The following LRRC37A2 variants were observed in gnomAD, a reference collection of about 807,000 sequenced individuals.
The protein encoded by LRRC37A2 is leucine-rich repeat-containing protein 37A2.
In LRRC37A2, 9 loss-of-function variants were observed where a neutral mutation model predicts 68.8. The observed-to-expected ratio is 0.13, with a 90% CI of 0.08 to 0.23. The LOEUF (loss-of-function observed/expected upper bound fraction) is 0.23, where lower values mean the gene tolerates loss of function less well. Ranked by LOEUF, LRRC37A2 falls within the 10% of genes least tolerant of loss-of-function variation. The probability of loss-of-function intolerance (pLI) is 1.00; values close to 1 mark genes in which losing one functional copy is unlikely to be tolerated. For synonymous variants in LRRC37A2, 63 were observed against 367.6 expected (o/e 0.17, Z 9.48); for missense variants, 168 against 950.4 (o/e 0.18, Z 10.82).
the LRRC37A2 span, among the ~76,000 whole-genome samples, chr17:46,806,020 T>C: frequency 6.6e-6 from 1 of 152,102 alleles, no homozygotes; most frequent in Non-Finnish European, 1.5e-5. Flanking sequence ...CTCTGCCTCC[T>C]GGGGTTGTCG....
chr17:46,907,868 T>C, the LRRC37A2 span, among the ~76,000 whole-genome samples: 1 of 148,600 alleles, frequency 6.7e-6, no homozygotes, highest in African/African-American at 2.5e-5. Flanking sequence ...AAAAAAAAAG[T>C]GTGTGCGCTA....
the LRRC37A2 span, among the ~76,000 whole-genome samples, chr17:46,694,984 T>C: frequency 8.6e-6 from 1 of 116,040 alleles, no homozygotes; most frequent in Non-Finnish European, 1.8e-5. Context: ...TGGTGGCTCA[T>C]GCCTGTAATC....
At chr17:46,708,271 CG>C in the LRRC37A2 span, among the ~76,000 whole-genome samples, 1 of 151,996 alleles carries the variant, frequency 6.6e-6, no homozygotes, top group African/African-American at 2.4e-5. Context: ...ACCACCATAC[CG>C]TTTTCCACGG....
the LRRC37A2 span, among the ~76,000 whole-genome samples, chr17:46,720,647 T>C: frequency 7.2e-5 from 11 of 152,360 alleles, no homozygotes; most frequent in Non-Finnish European, 1.3e-4. Flanking sequence ...CTACCAAATA[T>C]GATTAGAGTA....
chr17:46,558,800 T>TATATCA (rs1440996598), downstream of LRRC37A2: 1 of 132,292 alleles, frequency 7.6e-6, no homozygotes, highest in African/African-American at 2.9e-5. Flanking sequence ...CACACTCCCC[T>TATATCA]ATATCAATCT....
At chr17:46,503,036 C>A in the LRRC37A2 span, among the ~76,000 whole-genome samples, 1 of 150,664 alleles carries the variant, frequency 6.6e-6, no homozygotes, top group South Asian at 2.1e-4. Flanking sequence ...CACGGTGAAA[C>A]CCCATCTCTA....
chr17:46,847,184 C>T, the LRRC37A2 span, among the ~76,000 whole-genome samples: 1 of 152,244 alleles, frequency 6.6e-6, no homozygotes. Context: ...TCTCTGCCCC[C>T]TTTTTTGTCA....
At chr17:46,944,561 C>T in the LRRC37A2 span, among the ~76,000 whole-genome samples, 3 of 151,778 alleles carry the variant, frequency 2.0e-5, no homozygotes, top group East Asian at 1.9e-4. Flanking sequence ...CCAGAGATGC[C>T]GAGCTACCTG....
At chr17:46,926,703 C>A in the LRRC37A2 span, among the ~76,000 whole-genome samples, 1 of 152,212 alleles carries the variant, frequency 6.6e-6, no homozygotes, top group Non-Finnish European at 1.5e-5. Flanking sequence ...TCCCACCTTG[C>A]CATTCATACT....
intron 6 of LRRC37A2, among the ~76,000 whole-genome samples, chr17:46,528,391 GTCT>G (rs2053088924): frequency 4.5e-5 from 2 of 44,090 alleles, no homozygotes; most frequent in Non-Finnish European, 9.1e-5. Context: ...TTGCAAGGGA[GTCT>G]TCTTCAAGGT....
the LRRC37A2 span, chr17:46,929,709 G>T: frequency 1.5e-6 from 1 of 679,080 alleles, no homozygotes. Context: ...TTTGTTGTTA[G>T]GGTGGACAGA....
the LRRC37A2 span, among the ~76,000 whole-genome samples, chr17:46,831,906 C>G: frequency 6.6e-6 from 1 of 152,272 alleles, no homozygotes; most frequent in Non-Finnish European, 1.5e-5. Context: ...GGCCAACACC[C>G]TTTGTGTTCC....
chr17:46,951,153 A>G, the LRRC37A2 span, among the ~76,000 whole-genome samples: 1 of 152,168 alleles, frequency 6.6e-6, no homozygotes, highest in Non-Finnish European at 1.5e-5. Context: ...ATTGACAGAA[A>G]CTGGCACACG....
At chr17:46,891,959 A>G in the LRRC37A2 span, among the ~76,000 whole-genome samples, 2 of 120,624 alleles carry the variant, frequency 1.7e-5, no homozygotes, top group East Asian at 4.6e-4. Flanking sequence ...TTGCCCTGTC[A>G]CCCAGCCTGG....
chr17:46,896,377 G>GAAAGAAAGA, the LRRC37A2 span, among the ~76,000 whole-genome samples: 1 of 125,534 alleles, frequency 8.0e-6, no homozygotes, highest in Admixed American at 9.4e-5. Context: ...GAGAGAGAGA[G>GAAAGAAAGA]AAGAAAGAAA....
At chr17:46,926,353 A>G in the LRRC37A2 span, among the ~76,000 whole-genome samples, 1 of 147,486 alleles carries the variant, frequency 6.8e-6, no homozygotes, top group African/African-American at 2.7e-5. Flanking sequence ...GCCTGGATGC[A>G]AAGTGGATGT....
the LRRC37A2 span, among the ~76,000 whole-genome samples, chr17:47,005,148 C>T: frequency 2.6e-5 from 4 of 152,212 alleles, no homozygotes; most frequent in Non-Finnish European, 2.9e-5. Flanking sequence ...GTGTAAGTCA[C>T]GCTTTTATTC....
the LRRC37A2 span, among the ~76,000 whole-genome samples, chr17:46,884,061 G>A: frequency 9.2e-5 from 14 of 152,226 alleles, no homozygotes; most frequent in East Asian, 2.7e-3. Context: ...AGGCACGGGA[G>A]AACCTGACCC....
intron 8 of LRRC37A2, among the ~76,000 whole-genome samples, chr17:46,545,256 ACT>A (rs1377211033): frequency 7.2e-6 from 1 of 138,706 alleles, no homozygotes; most frequent in Non-Finnish European, 1.5e-5. Context: ...ACATGGGGAA[ACT>A]CTGTCACTAC....
Sources: gnomAD v4.1 joint callset for allele counts (sites outside exome capture counted in the v4.1 genomes callset) on GRCh38, gnomAD v4.1.1 for gene constraint, MANE v1.5 for transcripts, NCBI Gene and HGNC (gene_info 2026-07-23, HGNC 2026-07-21) for gene names.